Variants in PTCSC3 observed in about 807,000 individuals in gnomAD.
PTCSC3 encodes papillary thyroid carcinoma susceptibility candidate 3 (non-protein coding).
chr14:36,139,132 AAAAAAAAAGAAAT>A lies in PTCSC3; in HGVS notation n.323-2789_323-2777del, dbSNP rs1482732190. Among the ~76,000 whole-genome samples the A allele has an allele frequency of 3.4e-3, 513 of 151,180 alleles. 8 individuals are homozygous for A. Among genetic ancestry groups the A allele is most frequent in the African/African-American group, 0.012 (476 of 41,138 alleles). On this transcript the variant is annotated intron_variant and non_coding_transcript_variant, in intron 3 of 3. Transcript: ENST00000556013. The stretch of plus-strand genomic sequence containing the variant: ...CCATCTCAAAAATAAAAAAAAAAAA[AAAAAAAAAGAAAT>A]GCATATATGTCCATACAAAGACTGC...
intron 3 of PTCSC3, among the ~76,000 whole-genome samples, chr14:36,146,729 C>T (rs999591450): frequency 4.0e-5 from 6 of 151,092 alleles, no homozygotes; most frequent in South Asian, 4.2e-4. Flanking sequence ...TTACTTTGCT[C>T]GTTAGTTGAT....
At chr14:36,155,977 TTC>T (rs1403125621) in intron 2 of PTCSC3, among the ~76,000 whole-genome samples, 2 of 152,228 alleles carry the variant, frequency 1.3e-5, no homozygotes, top group Non-Finnish European at 2.9e-5. Flanking sequence ...TATCTTACTA[TTC>T]TCTGTCCTTT....
chr14:36,139,119 T>TAAAAAAAAAA (rs370864635), intron 3 of PTCSC3, among the ~76,000 whole-genome samples: 3 of 106,598 alleles, frequency 2.8e-5, no homozygotes, highest in Non-Finnish European at 5.4e-5. Flanking sequence ...ATCTCAAAAA[T>TAAAAAAAAAA]AAAAAAAAAA....
chr14:36,160,582 C>T (rs890464570), intron 2 of PTCSC3, among the ~76,000 whole-genome samples: 4 of 152,280 alleles, frequency 2.6e-5, no homozygotes, highest in Non-Finnish European at 4.4e-5. Context: ...GGGTTTCTGC[C>T]AAGACATCCA....
downstream of PTCSC3, among the ~76,000 whole-genome samples, chr14:36,135,520 G>A (rs2139083799): frequency 6.6e-6 from 1 of 152,294 alleles, no homozygotes; most frequent in South Asian, 2.1e-4. Context: ...TACTACTGGA[G>A]AAGTGTCTCT....
intron 1 of PTCSC3, among the ~76,000 whole-genome samples, chr14:36,175,006 G>T (rs553086415): frequency 6.6e-6 from 1 of 152,106 alleles, no homozygotes; most frequent in Non-Finnish European, 1.5e-5. Flanking sequence ...TAAAGCTCGG[G>T]TCGCCTCACA....
chr14:36,142,495 A>G (rs1881446261), intron 3 of PTCSC3, among the ~76,000 whole-genome samples: 1 of 152,186 alleles, frequency 6.6e-6, no homozygotes, highest in Non-Finnish European at 1.5e-5. Flanking sequence ...CTGGCCTATT[A>G]GAATAAATTA....
At chr14:36,148,581 T>G (rs879718267) in intron 3 of PTCSC3, among the ~76,000 whole-genome samples, 1 of 152,226 alleles carries the variant, frequency 6.6e-6, no homozygotes, top group Non-Finnish European at 1.5e-5. Context: ...CCTAGTGAGA[T>G]GAACCTGGTA....
Position 36,175,524 on chromosome 14 carries a change from C to A in PTCSC3, n.171+774G>T, listed in dbSNP as rs529127726. On this transcript the variant is annotated intron_variant and non_coding_transcript_variant, in intron 1 of 3. Transcript: ENST00000556013. ...TGAAATGTCATAAAATAGGTCCCAGCCAGTTGCAAAAACTCAAAAGTTCAT... is the reference window on the plus strand; with the variant it reads ...TGAAATGTCATAAAATAGGTCCCAGACAGTTGCAAAAACTCAAAAGTTCAT... 6.4e-4 allele frequency among the ~76,000 whole-genome samples: 98 copies of A among 152,254 alleles called. 1 individual carries two copies. The highest frequency in any genetic ancestry group is 2.3e-3 in the African/African-American group (96 of 41,542).
intron 1 of PTCSC3, among the ~76,000 whole-genome samples, chr14:36,175,279 C>G (rs1882263217): frequency 6.6e-6 from 1 of 152,180 alleles, no homozygotes; most frequent in Admixed American, 6.5e-5. Flanking sequence ...ATGCACTTCC[C>G]TTCTCTCAAG....
At chr14:36,156,896 T>C (rs1408224241) in intron 2 of PTCSC3, among the ~76,000 whole-genome samples, 2 of 152,152 alleles carry the variant, frequency 1.3e-5, no homozygotes, top group Non-Finnish European at 2.9e-5. Context: ...GTCTTTATAG[T>C]AGAATGATTT....
chr14:36,151,231 G>A (rs1881714526), intron 3 of PTCSC3, among the ~76,000 whole-genome samples: 1 of 151,984 alleles, frequency 6.6e-6, no homozygotes, highest in Non-Finnish European at 1.5e-5. Flanking sequence ...CATGGTTTCT[G>A]AAGAGAGTTC....
chr14:36,138,902 G>A (rs1304192831), intron 3 of PTCSC3, among the ~76,000 whole-genome samples: 2 of 151,824 alleles, frequency 1.3e-5, no homozygotes, highest in Non-Finnish European at 2.9e-5. Flanking sequence ...GGCGGATCAC[G>A]AGGAGTTCAA....
At chr14:36,136,079 G>C (rs1027552168), downstream of PTCSC3, 15 of 152,162 alleles carry the variant, frequency 9.9e-5, no homozygotes, top group African/African-American at 3.6e-4. Flanking sequence ...GGAGCATCCA[G>C]CATGGGAGAA....
chr14:36,156,214 G>A (rs926706172), intron 2 of PTCSC3, among the ~76,000 whole-genome samples: 2 of 152,160 alleles, frequency 1.3e-5, no homozygotes, highest in Admixed American at 6.5e-5. Flanking sequence ...ACCTTTGGTG[G>A]TTGTTTTATG....
chr14:36,146,205 C>T (rs1881562782), intron 3 of PTCSC3, among the ~76,000 whole-genome samples: 1 of 143,858 alleles, frequency 7.0e-6, no homozygotes, highest in Non-Finnish European at 1.5e-5. Context: ...GAGTTCAATT[C>T]CTGGGTATCC....
chr14:36,138,138 T>A (rs1881331459), intron 3 of PTCSC3, among the ~76,000 whole-genome samples: 1 of 151,548 alleles, frequency 6.6e-6, no homozygotes, highest in Non-Finnish European at 1.5e-5. Flanking sequence ...AAGGACAGTT[T>A]TTCTGATAAA....
intron 1 of PTCSC3, among the ~76,000 whole-genome samples, chr14:36,171,253 G>C (rs1336161825): frequency 6.6e-6 from 1 of 152,032 alleles, no homozygotes; most frequent in African/African-American, 2.4e-5. Flanking sequence ...AATGGTGATT[G>C]AGTGCGATTA....
At chr14:36,173,436 T>G (rs1882224770) in intron 1 of PTCSC3, among the ~76,000 whole-genome samples, 1 of 152,118 alleles carries the variant, frequency 6.6e-6, no homozygotes, top group South Asian at 2.1e-4. Context: ...GCTGTTCACA[T>G]TCAATGCTGA....
Sources: gnomAD v4.1 joint callset for allele counts (sites outside exome capture counted in the v4.1 genomes callset) on GRCh38, gnomAD v4.1.1 for gene constraint, MANE v1.5 for transcripts, NCBI Gene and HGNC (gene_info 2026-07-23, HGNC 2026-07-21) for gene names.